The following NELL1 variants were observed in gnomAD, a reference collection of about 807,000 sequenced individuals.
NELL1 encodes protein kinase C-binding protein NELL1.
NELL1 carries 76 observed loss-of-function variants against 107.4 expected under a neutral mutation model. That is an observed-to-expected ratio of 0.71 (90% CI 0.59 to 0.86). The LOEUF is 0.86. NELL1 is among the 40% of genes least tolerant of loss of function. NELL1 has a pLI of 0.00. For missense variants in NELL1, 1,024 were observed against 1,005.5 expected, an observed-to-expected ratio of 1.02 and a Z score of -0.25; for synonymous variants, 353 against 341.2, an observed-to-expected ratio of 1.03 and a Z score of -0.38.
At chr11:21,496,408 GT>G (rs749782963) in intron 15 of NELL1, among the ~76,000 whole-genome samples, 7,560 of 121,156 alleles carry the variant, frequency 0.062, 372 homozygotes, top group East Asian at 0.23. Context: ...TTCTTCTCTT[GT>G]TTTTTTTTTT....
rs150498408 is a variant in NELL1 at position 21,365,743 on chromosome 11, A to G, written c.1550-5110A>G. Reference sequence around the variant, plus strand: ...TGTAGACTTCTGGATGTTTGTTTTTATATTCAACTGGCCATGTTACTGATT... The same window carrying G: ...TGTAGACTTCTGGATGTTTGTTTTTGTATTCAACTGGCCATGTTACTGATT... On this transcript the variant is annotated intron_variant, in intron 14 of 19. Coordinates refer to ENST00000357134, the MANE Select transcript of NELL1 (RefSeq NM_006157.5). 7.6e-3 allele frequency among the ~76,000 whole-genome samples: 1,149 copies of G among 151,522 alleles called. 14 individuals carry two copies. Among genetic ancestry groups the G allele is most frequent in the African/African-American group, 0.026 (1,075 of 41,262 alleles).
At chr11:21,348,182 G>C (rs1453598857) in intron 14 of NELL1, among the ~76,000 whole-genome samples, 2 of 152,140 alleles carry the variant, frequency 1.3e-5, no homozygotes, top group African/African-American at 4.8e-5. Context: ...AGGAGGTAGA[G>C]GCATGCTCAG....
chr11:21,385,514 G>T (rs894577014), intron 15 of NELL1, among the ~76,000 whole-genome samples: 3 of 151,674 alleles, frequency 2.0e-5, no homozygotes, highest in African/African-American at 4.8e-5. Flanking sequence ...AATCACTACA[G>T]TGCATCTTTT....
chr11:20,772,869 T>C (rs1856667645), intron 2 of NELL1, among the ~76,000 whole-genome samples: 1 of 152,216 alleles, frequency 6.6e-6, no homozygotes, highest in South Asian at 2.1e-4. Context: ...GTTTTAACTT[T>C]TTGTATCTCA....
intron 12 of NELL1, among the ~76,000 whole-genome samples, chr11:21,027,462 C>T (rs1328086232): frequency 6.6e-6 from 1 of 152,016 alleles, no homozygotes; most frequent in Non-Finnish European, 1.5e-5. Flanking sequence ...TTCCAAGCTG[C>T]CAGAATAAAC....
At chr11:20,782,309 A>C (rs947557201) in intron 2 of NELL1, among the ~76,000 whole-genome samples, 1 of 152,146 alleles carries the variant, frequency 6.6e-6, no homozygotes, top group Non-Finnish European at 1.5e-5. Context: ...ATACTGGTAG[A>C]CTGGTCTGCC....
intron 14 of NELL1, 43 bp from the exon 15 acceptor site, chr11:21,370,810 A>G (rs1264129152): frequency 1.5e-5 from 22 of 1,483,350 alleles, no homozygotes; most frequent in Non-Finnish European, 2.0e-5. Context: ...GAATTTATCT[A>G]TTGCATTTTA....
intron 12 of NELL1, among the ~76,000 whole-genome samples, chr11:21,066,000 A>G (rs1368250763): frequency 6.6e-6 from 1 of 152,172 alleles, no homozygotes; most frequent in Non-Finnish European, 1.5e-5. Context: ...GAATATTACA[A>G]TTTATCTGAT....
chr11:21,323,955 T>C (rs545226299), intron 14 of NELL1, among the ~76,000 whole-genome samples: 15 of 152,256 alleles, frequency 9.9e-5, no homozygotes, highest in African/African-American at 3.6e-4. Context: ...CTCTCCTTTC[T>C]TTCATTCTCA....
At chr11:21,013,050 T>C (rs191275858) in intron 12 of NELL1, among the ~76,000 whole-genome samples, 3 of 152,288 alleles carry the variant, frequency 2.0e-5, no homozygotes, top group East Asian at 1.9e-4. Context: ...AGGGCTGTTA[T>C]CATCTTTGTT....
chr11:20,949,087 T>C (rs1296658875), intron 11 of NELL1, among the ~76,000 whole-genome samples: 1 of 152,168 alleles, frequency 6.6e-6, no homozygotes, highest in African/African-American at 2.4e-5. Flanking sequence ...GAAAGCAACA[T>C]AGATCATAGG....
chr11:21,389,798 C>A (rs1048078443), intron 15 of NELL1, among the ~76,000 whole-genome samples: 1 of 151,752 alleles, frequency 6.6e-6, no homozygotes, highest in Non-Finnish European at 1.5e-5. Context: ...TTGTGGATAT[C>A]CCAAAATGTA....
chr11:21,483,705 C>T (rs1328835960), intron 15 of NELL1, among the ~76,000 whole-genome samples: 7 of 150,968 alleles, frequency 4.6e-5, no homozygotes, highest in Admixed American at 1.3e-4. Context: ...ATGAATTATG[C>T]TATTAGTAAT....
At chr11:20,969,734 G>T (rs1342730015) in intron 12 of NELL1, among the ~76,000 whole-genome samples, 2 of 151,984 alleles carry the variant, frequency 1.3e-5, no homozygotes, top group Non-Finnish European at 2.9e-5. Context: ...TCATTTAGCA[G>T]CCGGGTAACA....
chr11:21,193,601 G>A (rs748646353), intron 13 of NELL1, among the ~76,000 whole-genome samples: 2 of 151,892 alleles, frequency 1.3e-5, no homozygotes, highest in Admixed American at 6.6e-5. Flanking sequence ...AATTTTATAA[G>A]TACATTTAAA....
At chr11:21,478,702 A>T (rs1157802588) in intron 15 of NELL1, among the ~76,000 whole-genome samples, 7 of 152,134 alleles carry the variant, frequency 4.6e-5, no homozygotes, top group Admixed American at 1.3e-4. Flanking sequence ...TTAAAAAAAA[A>T]AAAAGGACTT....
At chr11:21,455,284 T>C (rs10833536) in intron 15 of NELL1, among the ~76,000 whole-genome samples, 1 of 145,452 alleles carries the variant, frequency 6.9e-6, no homozygotes, top group African/African-American at 2.5e-5. Context: ...GACTTTTTTT[T>C]ATCTGGTGGC....
chr11:21,120,491 T>G (rs1322008175), intron 13 of NELL1, among the ~76,000 whole-genome samples: 1 of 152,122 alleles, frequency 6.6e-6, no homozygotes. Context: ...CGGATCATCA[T>G]TATCTTTCAG....
chr11:21,468,579 T>C (rs928843082), intron 15 of NELL1, among the ~76,000 whole-genome samples: 1 of 152,072 alleles, frequency 6.6e-6, no homozygotes, highest in African/African-American at 2.4e-5. Flanking sequence ...TGGCAAATTT[T>C]TGTTTGTCAT....
Sources: gnomAD v4.1 joint callset for allele counts (sites outside exome capture counted in the v4.1 genomes callset) on GRCh38, gnomAD v4.1.1 for gene constraint, MANE v1.5 for transcripts, NCBI Gene and HGNC (gene_info 2026-07-23, HGNC 2026-07-21) for gene names.